The following RAB11FIP4 variants were observed in gnomAD, a reference collection of about 807,000 sequenced individuals.
RAB11FIP4 encodes rab11 family-interacting protein 4.
A neutral mutation model predicts 74.3 loss-of-function variants in RAB11FIP4; 23 were observed. The ratio of observed to expected loss-of-function variants is 0.31; its 90% CI spans 0.22 to 0.44. RAB11FIP4 has a LOEUF of 0.44. Ranked by LOEUF, RAB11FIP4 falls within the 20% of genes least tolerant of loss-of-function variation. The pLI is 1.00. For synonymous variants in RAB11FIP4, 360 were observed against 359.9 expected, an observed-to-expected ratio of 1.00 and a Z score of 0.00; for missense variants, 630 against 863.9, an observed-to-expected ratio of 0.73 and a Z score of 3.39.
intron 2 of RAB11FIP4, among the ~76,000 whole-genome samples, chr17:31,433,488 C>T (rs547492238): frequency 1.3e-5 from 2 of 152,234 alleles, no homozygotes; most frequent in Non-Finnish European, 2.9e-5. Flanking sequence ...GTGCCTGTGC[C>T]AGGCATTTTG....
chr17:31,453,120 G>A (rs1489006659), intron 3 of RAB11FIP4, among the ~76,000 whole-genome samples: 3 of 152,102 alleles, frequency 2.0e-5, no homozygotes, highest in Non-Finnish European at 4.4e-5. Context: ...GGAGGCCAAG[G>A]TGGATGGATT....
At chr17:31,492,394 TCCA>T (rs2072026794) in intron 3 of RAB11FIP4, among the ~76,000 whole-genome samples, 1 of 152,164 alleles carries the variant, frequency 6.6e-6, no homozygotes, top group Non-Finnish European at 1.5e-5. Context: ...ATCCTGTTCA[TCCA>T]CCCCCCTGCT....
At chr17:31,490,425 G>A (rs12936948) in intron 3 of RAB11FIP4, among the ~76,000 whole-genome samples, 56,873 of 152,040 alleles carry the variant, frequency 0.37, 11,622 homozygotes, top group East Asian at 0.49. Flanking sequence ...TAAGGAGGGG[G>A]TGAAGGGGGT....
At chr17:31,474,819 G>A (rs2071773804) in intron 3 of RAB11FIP4, among the ~76,000 whole-genome samples, 1 of 151,222 alleles carries the variant, frequency 6.6e-6, no homozygotes, top group Admixed American at 6.6e-5. Context: ...TCTAGCCTGG[G>A]CACGACAGAG....
intron 1 of RAB11FIP4, among the ~76,000 whole-genome samples, chr17:31,413,817 C>A (rs199544636): frequency 6.6e-6 from 1 of 152,180 alleles, no homozygotes; most frequent in East Asian, 1.9e-4. Flanking sequence ...GTGCTATCAG[C>A]AGTTTTTCAA....
intron 1 of RAB11FIP4, among the ~76,000 whole-genome samples, chr17:31,413,191 GGATGGGGCGGGATA>G (rs2071114735): frequency 6.6e-6 from 1 of 152,246 alleles, no homozygotes; most frequent in Admixed American, 6.5e-5. Flanking sequence ...GGCATGTTTC[GGATGGGGCGGGATA>G]GATGGGTTAG....
At chr17:31,502,067 T>C (rs1435863980) in intron 3 of RAB11FIP4, among the ~76,000 whole-genome samples, 2 of 151,750 alleles carry the variant, frequency 1.3e-5, no homozygotes, top group African/African-American at 4.8e-5. Context: ...GTACTGAAAA[T>C]ACAAAAATTA....
rs1449743514 is a variant in RAB11FIP4, at chr17:31,537,581, C to A, written c.*5849C>A. On this transcript the variant is annotated 3_prime_UTR_variant, in exon 15 of 15. Coordinates refer to ENST00000621161, the MANE Select transcript of RAB11FIP4 (RefSeq NM_032932.6). ...GGGATATCATGGGACCGCAGCCGCT[C>A]CGTGCACTGTCTCTGCCCCCAGAGG... is the stretch of plus-strand genomic sequence containing the variant. The A allele has an allele frequency of 5.7e-6, 1 of 174,120 alleles. No individual in the cohort carries two copies. The highest frequency in any genetic ancestry group is 1.2e-5 in the Non-Finnish European group (1 of 82,276). The allele number at this position is 174,120 out of a possible 1,614,324, so 10.8% of individuals were successfully genotyped here.
At chr17:31,421,099 A>T (rs950437631) in intron 1 of RAB11FIP4, among the ~76,000 whole-genome samples, 12 of 152,168 alleles carry the variant, frequency 7.9e-5, no homozygotes, top group African/African-American at 2.4e-4. Context: ...AAACAAACAA[A>T]CAAAAAGATA....
At chr17:31,448,750 A>G (rs577929795) in intron 3 of RAB11FIP4, among the ~76,000 whole-genome samples, 1 of 152,122 alleles carries the variant, frequency 6.6e-6, no homozygotes, top group East Asian at 1.9e-4. Context: ...TGAACCTGTA[A>G]GAATCCTTCT....
chr17:31,465,848 AAAAG>A (rs1404346412), intron 3 of RAB11FIP4: 2 of 152,032 alleles, frequency 1.3e-5, no homozygotes, highest in African/African-American at 4.8e-5. Context: ...AAAAATAAAA[AAAAG>A]AGCCAGGTGC....
At chr17:31,395,140 G>A (rs2070916745) in intron 1 of RAB11FIP4, among the ~76,000 whole-genome samples, 2 of 151,956 alleles carry the variant, frequency 1.3e-5, no homozygotes, top group South Asian at 4.1e-4. Flanking sequence ...AGGGATACCA[G>A]GATCAAATGC....
At chr17:31,473,743 G>A (rs763973174) in intron 3 of RAB11FIP4, among the ~76,000 whole-genome samples, 4 of 152,204 alleles carry the variant, frequency 2.6e-5, no homozygotes, top group African/African-American at 7.2e-5. Context: ...AGGTTGGTGC[G>A]ATTTGCTCAG....
chr17:31,502,667 A>C (rs1001727480), intron 3 of RAB11FIP4, among the ~76,000 whole-genome samples: 1 of 152,186 alleles, frequency 6.6e-6, no homozygotes, highest in Non-Finnish European at 1.5e-5. Context: ...AAAAATCCAG[A>C]CTGAGCTTGG....
intron 3 of RAB11FIP4, among the ~76,000 whole-genome samples, chr17:31,482,359 G>A (rs993806810): frequency 6.6e-6 from 1 of 152,108 alleles, no homozygotes; most frequent in Non-Finnish European, 1.5e-5. Flanking sequence ...TTGGGAGGCC[G>A]AGGCAGGCAG....
At chr17:31,472,991 C>A (rs1012694010) in intron 3 of RAB11FIP4, among the ~76,000 whole-genome samples, 1 of 151,614 alleles carries the variant, frequency 6.6e-6, no homozygotes, top group Non-Finnish European at 1.5e-5. Flanking sequence ...CGAGATTATG[C>A]CACTACACTC....
intron 9 of RAB11FIP4, 174 bp from the exon 10 acceptor site, chr17:31,524,916 C>A (rs544982105): frequency 2.7e-6 from 2 of 750,674 alleles, no homozygotes; most frequent in Admixed American, 2.6e-5. Context: ...GTGACCGACA[C>A]CCCCTCTATA....
intron 1 of RAB11FIP4, among the ~76,000 whole-genome samples, chr17:31,399,110 C>T (rs2070960146): frequency 6.6e-6 from 1 of 152,048 alleles, no homozygotes; most frequent in Admixed American, 6.6e-5. Flanking sequence ...GGCTCCTTCC[C>T]TTCCTGTTGC....
chr17:31,447,414 G>A (rs918563734), intron 3 of RAB11FIP4, among the ~76,000 whole-genome samples: 7 of 152,244 alleles, frequency 4.6e-5, no homozygotes, highest in East Asian at 1.9e-4. Flanking sequence ...ACAGTGAGCC[G>A]TTTGTGCGAC....
Sources: allele counts gnomAD v4.1 joint callset (sites outside exome capture counted in the v4.1 genomes callset), GRCh38; gene constraint gnomAD v4.1.1; transcripts MANE v1.5; gene names NCBI Gene and HGNC (gene_info 2026-07-23, HGNC 2026-07-21).